The following KSR1 variants were observed in gnomAD, a reference collection of about 807,000 sequenced individuals.
KSR1 encodes kinase suppressor of ras 1.
A neutral mutation model predicts 92.9 loss-of-function variants in KSR1; 35 were observed. That is an observed-to-expected ratio of 0.38 (90% CI 0.29 to 0.50). The LOEUF (loss-of-function observed/expected upper bound fraction) is 0.50. KSR1 is among the 20% of genes least tolerant of loss of function. The pLI is 0.94. For synonymous variants in KSR1, 467 were observed against 472.6 expected, an observed-to-expected ratio of 0.99 and a Z score of 0.15; for missense variants, 972 against 1,158.5, an observed-to-expected ratio of 0.84 and a Z score of 2.34.
At position 27,623,488 on chromosome 17, in the gene KSR1, C is replaced by G; in HGVS notation, c.*96C>G. The G allele has an allele frequency of 1.4e-6, 1 of 700,414 alleles. No homozygotes were observed. Among genetic ancestry groups the G allele is most frequent in the Non-Finnish European group, 2.6e-6 (1 of 384,708 alleles). 43.4% of individuals were successfully genotyped at this position (700,414 alleles called of 1,614,324 possible). On this transcript the variant is annotated 3_prime_UTR_variant, in exon 21 of 21. Transcript: ENST00000644974. ...CCACGACAAAAAAACACTGCCTGCC[C>G]AGCGCTGCAAACCAGGAGCACACGT...
chr17:27,574,463 G>T (rs2037514), intron 2 of KSR1, among the ~76,000 whole-genome samples: 21,225 of 152,090 alleles, frequency 0.14, 1,652 homozygotes, highest in Admixed American at 0.23. Context: ...GTGTGATCAT[G>T]CTAAGTGGTG....
rs765379287 is a variant in KSR1 at position 27,577,183 on chromosome 17, G to T, written c.373-309G>T. 6.6e-6 allele frequency among the ~76,000 whole-genome samples: 1 copy of T among 152,076 alleles called. No homozygotes were observed. The highest frequency in any genetic ancestry group is 1.5e-5 in the Non-Finnish European group (1 of 68,014). ...TCATTCTAAAAAGTTGTTATGACTCGCTGTTTTTTTTCTGTGCAGAGGAGT... is the reference window on the plus strand; with the variant it reads ...TCATTCTAAAAAGTTGTTATGACTCTCTGTTTTTTTTCTGTGCAGAGGAGT... On this transcript the variant is annotated intron_variant, in intron 2 of 20. Coordinates refer to ENST00000644974, the MANE Select transcript of KSR1 (RefSeq NM_001394583.1). This position sits in a 1 kb window ranked among gnomAD's most constrained non-coding sequence, Gnocchi z 4.5.
At chr17:27,503,874 C>A (rs1007359042) in intron 1 of KSR1, among the ~76,000 whole-genome samples, 27 of 152,246 alleles carry the variant, frequency 1.8e-4, no homozygotes, top group African/African-American at 6.0e-4. Flanking sequence ...ACGATGAACA[C>A]GTAGTATGAA....
intron 1 of KSR1, among the ~76,000 whole-genome samples, chr17:27,524,843 CT>C (rs572296609): frequency 1.4e-4 from 21 of 152,250 alleles, no homozygotes; most frequent in Middle Eastern, 3.4e-3. Flanking sequence ...GGAGGGGGCT[CT>C]GGGTTCCTGG....
At chr17:27,514,308 G>A (rs1470492846) in intron 1 of KSR1, among the ~76,000 whole-genome samples, 1 of 152,184 alleles carries the variant, frequency 6.6e-6, no homozygotes. Flanking sequence ...TTATCACCGG[G>A]GAATTATAAC....
rs2019337873 is a variant in KSR1, at chr17:27,459,538, T to G, written c.231+2664T>G. ...TTGGGGCCAGGCAGGCAAGTGGCAG[T>G]GTCCACTCCAGCGTTCTTTCCTGTT... On this transcript the variant is annotated intron_variant, in intron 1 of 20. Transcript: ENST00000644974. The surrounding 1 kb of genome is among the most constrained non-coding windows in gnomAD (Gnocchi z 4.6). Among the ~76,000 whole-genome samples the G allele has an allele frequency of 6.6e-6, 1 of 152,260 alleles. No individual in the cohort carries two copies. Among genetic ancestry groups the G allele is most frequent in the Admixed American group, 6.5e-5 (1 of 15,294 alleles).
At chr17:27,604,112 T>C (rs547992284) in intron 12 of KSR1, among the ~76,000 whole-genome samples, 3 of 152,258 alleles carry the variant, frequency 2.0e-5, no homozygotes, top group African/African-American at 7.2e-5. Context: ...ACTGGAGCAG[T>C]CTTGGGACCC....
intron 2 of KSR1, among the ~76,000 whole-genome samples, chr17:27,561,184 A>C (rs2071813605): frequency 6.6e-6 from 1 of 152,228 alleles, no homozygotes; most frequent in Non-Finnish European, 1.5e-5. Context: ...ATGAAGATTC[A>C]AACCCAGGTC....
rs1452608450 is a variant in KSR1 at position 27,597,392 on chromosome 17, C to G, written c.1424C>G (p.Pro475Arg). 4 of 1,613,150 alleles carry G rather than the reference C, an allele frequency of 2.5e-6. No individual in the cohort carries two copies. Among genetic ancestry groups the G allele is most frequent in the African/African-American group, 2.7e-5 (2 of 75,044 alleles). Residue 475 changes from proline to arginine, a missense_variant, in exon 10 of 21, where the codon CCC (proline) becomes CGC (arginine). Transcript: ENST00000644974. ...SSNPSSATTPPNPSPGQRDSR... is the reference protein window; with the variant it reads ...SSNPSSATTPRNPSPGQRDSR... ...AACCCATCCAGCGCCACCACGCCCCCCAACCCCTCACCTGGCCAGCGGGAC... is the reference window on the plus strand; with the variant it reads ...AACCCATCCAGCGCCACCACGCCCCGCAACCCCTCACCTGGCCAGCGGGAC...
chr17:27,524,397 T>C (rs2070166073), intron 1 of KSR1, among the ~76,000 whole-genome samples: 2 of 152,078 alleles, frequency 1.3e-5, no homozygotes, highest in Admixed American at 6.5e-5. Context: ...TCTTTGAACT[T>C]GAAGGGAATG....
At chr17:27,611,195 C>T in intron 17 of KSR1, 1 of 374,830 alleles carries the variant, frequency 2.7e-6, no homozygotes, top group Non-Finnish European at 4.9e-6. Flanking sequence ...AGCAGTTTTA[C>T]TGGGATCTTG....
At chr17:27,534,639 A>G (rs2070692380) in intron 1 of KSR1, among the ~76,000 whole-genome samples, 1 of 152,208 alleles carries the variant, frequency 6.6e-6, no homozygotes, top group Admixed American at 6.5e-5. Context: ...GGGATTATAC[A>G]GCAGCGGCAT....
At chr17:27,572,099 T>TA (rs1182819657) in intron 2 of KSR1, among the ~76,000 whole-genome samples, 1 of 152,248 alleles carries the variant, frequency 6.6e-6, no homozygotes, top group Admixed American at 6.5e-5. Context: ...AGTCTCCTGC[T>TA]AATGACATGA....
intron 1 of KSR1, among the ~76,000 whole-genome samples, chr17:27,519,037 G>T (rs1007238853): frequency 6.6e-6 from 1 of 152,164 alleles, no homozygotes; most frequent in Non-Finnish European, 1.5e-5. Flanking sequence ...CTGCAGGCTT[G>T]CTTGATCCTG....
At chr17:27,556,228 A>AT (rs1254558738) in intron 2 of KSR1, among the ~76,000 whole-genome samples, 2 of 152,152 alleles carry the variant, frequency 1.3e-5, no homozygotes, top group African/African-American at 4.8e-5. Flanking sequence ...TTATTTATAT[A>AT]TTTTGAGACA....
At chr17:27,614,249 C>T (rs2073997593) in intron 18 of KSR1, among the ~76,000 whole-genome samples, 1 of 152,180 alleles carries the variant, frequency 6.6e-6, no homozygotes, top group Non-Finnish European at 1.5e-5. Flanking sequence ...CCCTTATGTC[C>T]TGTGGCCGCA....
At chr17:27,565,526 G>A (rs2072027924) in intron 2 of KSR1, among the ~76,000 whole-genome samples, 1 of 152,190 alleles carries the variant, frequency 6.6e-6, no homozygotes, top group Admixed American at 6.5e-5. Context: ...TTGGCCTCAA[G>A]CAATCCCCCT....
chr17:27,479,343 T>A (rs2068445273), intron 1 of KSR1, among the ~76,000 whole-genome samples: 1 of 152,122 alleles, frequency 6.6e-6, no homozygotes, highest in Non-Finnish European at 1.5e-5. Context: ...CATCCTGGAG[T>A]GCCAGACCCA....
intron 9 of KSR1, among the ~76,000 whole-genome samples, chr17:27,594,172 T>C (rs907784868): frequency 1.3e-5 from 2 of 152,186 alleles, no homozygotes; most frequent in Non-Finnish European, 2.9e-5. Context: ...GAGCCTCACT[T>C]TCTGCTTTGT....
Sources: allele counts gnomAD v4.1 joint callset (sites outside exome capture counted in the v4.1 genomes callset), GRCh38; gene constraint gnomAD v4.1.1; non-coding constraint Gnocchi (gnomAD v3.1); transcripts MANE v1.5; gene names NCBI Gene and HGNC (gene_info 2026-07-23, HGNC 2026-07-21).